The following DAB1 variants were observed in gnomAD, a reference collection of about 807,000 sequenced individuals.
The protein encoded by DAB1 is DAB adaptor protein 1.
Under a neutral mutation model 64.6 loss-of-function variants are expected in DAB1, and 15 were observed. That is an observed-to-expected ratio of 0.23 (90% CI 0.16 to 0.36). The LOEUF is 0.36. Ranked by LOEUF, DAB1 falls within the 10% of genes least tolerant of loss-of-function variation. The pLI is 1.00. For synonymous variants in DAB1, 235 were observed against 251.9 expected, an observed-to-expected ratio of 0.93 and a Z score of 0.64; for missense variants, 596 against 706.7, an observed-to-expected ratio of 0.84 and a Z score of 1.78.
intron 3 of DAB1, among the ~76,000 whole-genome samples, chr1:58,500,234 T>A (rs1459212923): frequency 6.6e-6 from 1 of 152,174 alleles, no homozygotes; most frequent in Admixed American, 6.5e-5. Flanking sequence ...GCTTCCTGGC[T>A]TTATATGATT....
intron 2 of DAB1, among the ~76,000 whole-genome samples, chr1:58,510,145 C>CATTAG (rs1384806812): frequency 1.3e-5 from 1 of 76,612 alleles, no homozygotes; most frequent in Non-Finnish European, 2.8e-5. Context: ...ATGAGGCCAG[C>CATTAG]CATTACCCTG....
At chr1:57,040,968 G>A (rs1047381424) in intron 9 of DAB1, among the ~76,000 whole-genome samples, 1 of 152,090 alleles carries the variant, frequency 6.6e-6, no homozygotes, top group Non-Finnish European at 1.5e-5. Context: ...CTCTTGGAGG[G>A]GTTACCACTG....
chr1:57,052,109 T>C (rs1344340038), intron 9 of DAB1, among the ~76,000 whole-genome samples: 1 of 122,360 alleles, frequency 8.2e-6, no homozygotes, highest in Non-Finnish European at 1.6e-5. Flanking sequence ...GTAAATCACG[T>C]CTACCTGCTA....
intron 2 of DAB1, among the ~76,000 whole-genome samples, chr1:57,198,382 G>A (rs141670126): frequency 5.6e-4 from 86 of 152,246 alleles, no homozygotes; most frequent in Non-Finnish European, 1.1e-3. Flanking sequence ...ATGTAATGAA[G>A]CCTCTCAAAA....
chr1:58,511,570 A>G (rs1646077246), intron 2 of DAB1, among the ~76,000 whole-genome samples: 1 of 152,082 alleles, frequency 6.6e-6, no homozygotes, highest in African/African-American at 2.4e-5. Flanking sequence ...TCGAGGCTAG[A>G]GTAAGCTGTG....
chr1:57,836,508 C>G (rs1007507820), intron 1 of DAB1, among the ~76,000 whole-genome samples: 1 of 152,182 alleles, frequency 6.6e-6, no homozygotes, highest in Non-Finnish European at 1.5e-5. Flanking sequence ...CTTCTATGCT[C>G]ACTCTTTCGG....
rs773378664 is a variant in DAB1, at chr1:57,071,662, G to A, written c.439-21C>T. On this transcript the variant is annotated intron_variant, in intron 5 of 14. Transcript: ENST00000371236. Reference sequence around the variant, plus strand: ...TCAGCCTGGGATGAAAGGTAGTAAGGCACATCATAAGGGAATGGTACTGAG... The same window carrying A: ...TCAGCCTGGGATGAAAGGTAGTAAGACACATCATAAGGGAATGGTACTGAG... The A allele has an allele frequency of 1.4e-5, 22 of 1,610,888 alleles. No individual in the cohort carries two copies. In the South Asian group the frequency reaches 2.0e-4, roughly 15 times the overall value.
intron 9 of DAB1, among the ~76,000 whole-genome samples, chr1:57,037,715 G>A (rs1647219886): frequency 6.6e-6 from 1 of 152,198 alleles, no homozygotes; most frequent in African/African-American, 2.4e-5. Flanking sequence ...TTTATGCTAT[G>A]CTCTTTATCA....
At chr1:58,379,417 C>T (rs2100545803) in intron 3 of DAB1, among the ~76,000 whole-genome samples, 1 of 152,304 alleles carries the variant, frequency 6.6e-6, no homozygotes, top group South Asian at 2.1e-4. Context: ...ACCCTCTAGC[C>T]ATGGATTACA....
At chr1:58,080,023 T>C (rs1437495993) in intron 5 of DAB1, 1 of 152,208 alleles carries the variant, frequency 6.6e-6, no homozygotes, top group Non-Finnish European at 1.5e-5. Flanking sequence ...CCTGGAAAGT[T>C]ACCAGAAAGG....
At chr1:57,824,041 T>C (rs985084961), downstream of DAB1, among the ~76,000 whole-genome samples, 4 of 152,190 alleles carry the variant, frequency 2.6e-5, no homozygotes, top group African/African-American at 7.2e-5. Context: ...ATGGCTAATA[T>C]ATATATACCA....
intron 2 of DAB1, among the ~76,000 whole-genome samples, chr1:57,215,765 T>C (rs943700676): frequency 6.6e-6 from 1 of 152,240 alleles, no homozygotes; most frequent in Non-Finnish European, 1.5e-5. Flanking sequence ...CTTGGTTTCT[T>C]ATCCACTTTT....
chr1:57,559,815 C>A (rs906290367), intron 7 of DAB1, among the ~76,000 whole-genome samples: 18 of 152,214 alleles, frequency 1.2e-4, no homozygotes, highest in African/African-American at 4.1e-4. Context: ...AGAGCTGCCA[C>A]TACCTAGAAA....
chr1:58,083,091 C>T (rs761052431), intron 5 of DAB1, among the ~76,000 whole-genome samples: 9 of 152,138 alleles, frequency 5.9e-5, no homozygotes, highest in Non-Finnish European at 1.0e-4. Flanking sequence ...TGAGTGAAGG[C>T]GCAAACATTT....
intron 1 of DAB1, among the ~76,000 whole-genome samples, chr1:57,412,277 A>G (rs780527823): frequency 3.3e-5 from 5 of 152,228 alleles, no homozygotes; most frequent in African/African-American, 4.8e-5. Context: ...AAATAGGCCA[A>G]TTAATAACCC....
chr1:58,483,778 T>C (rs1375362005), intron 3 of DAB1, among the ~76,000 whole-genome samples: 1 of 152,250 alleles, frequency 6.6e-6, no homozygotes, highest in Non-Finnish European at 1.5e-5. Context: ...ACATCAGGCA[T>C]GAGCCATGAC....
rs888367168 is a variant in DAB1, at chr1:56,996,760, G to A, written c.*1384C>T. On this transcript the variant is annotated 3_prime_UTR_variant, in exon 15 of 15. Transcript: ENST00000371236. ...CTCCAGCTTCCTACCATATGCTCCA[G>A]AATAACGTCTGGAAAGTGAGCCCCA... The A allele has an allele frequency of 6.6e-6, 1 of 152,240 alleles. No individual in the cohort carries two copies. The highest frequency in any genetic ancestry group is 2.4e-5 in the African/African-American group (1 of 41,424). 9.4% of individuals were successfully genotyped at this position (152,240 alleles called of 1,614,324 possible). A position where few individuals can be genotyped will look rare whatever the true frequency, so the allele number is the denominator to read the frequency against.
chr1:57,043,856 A>T (rs551634015), intron 9 of DAB1, among the ~76,000 whole-genome samples: 4 of 152,044 alleles, frequency 2.6e-5, no homozygotes, highest in Non-Finnish European at 5.9e-5. Context: ...CAAGAAAAAA[A>T]AAAAAATCAG....
At chr1:57,071,195 A>G in intron 6 of DAB1, 134 bp from the exon 7 acceptor site, 1 of 855,894 alleles carries the variant, frequency 1.2e-6, no homozygotes, top group East Asian at 2.5e-5. Flanking sequence ...ATCAAGGTAG[A>G]AAAAACACAA....
Sources: gnomAD v4.1 joint callset for allele counts (sites outside exome capture counted in the v4.1 genomes callset) on GRCh38, gnomAD v4.1.1 for gene constraint, MANE v1.5 for transcripts, NCBI Gene and HGNC (gene_info 2026-07-23, HGNC 2026-07-21) for gene names.